Variants in ANKRD31 observed in about 807,000 individuals in gnomAD.
ANKRD31 encodes the protein ankyrin repeat domain 31.
A neutral mutation model predicts 186.0 loss-of-function variants in ANKRD31; 147 were observed. That is an observed-to-expected ratio of 0.79 (90% CI 0.69 to 0.91). The LOEUF (loss-of-function observed/expected upper bound fraction) is 0.91, where lower values mean the gene tolerates loss of function less well. Ranked by LOEUF, ANKRD31 falls within the 40% of genes least tolerant of loss-of-function variation. ANKRD31 has a pLI of 0.00. For synonymous variants in ANKRD31, 673 were observed against 736.4 expected, an observed-to-expected ratio of 0.91 and a Z score of 1.39; for missense variants, 1,986 against 2,148.8, an observed-to-expected ratio of 0.92 and a Z score of 1.50.
rs138837991 is a variant in ANKRD31, at chr5:75,118,387, A to C, written c.3877-90T>G. 79 of 1,173,908 alleles carry C rather than the reference A, an allele frequency of 6.7e-5. No homozygotes were observed. In the African/African-American group the frequency reaches 1.2e-3, roughly 17 times the overall value. 72.7% of individuals were successfully genotyped at this position (1,173,908 alleles called of 1,614,324 possible). ...ACAAACACCACTGCCAAGCATTAAA[A>C]GCTATCAAAAGAATGTTTTCAAACT... On this transcript the variant is annotated intron_variant, in intron 17 of 25. Transcript: ENST00000506364.
Position 75,158,505 on chromosome 5 carries a change from G to A in ANKRD31, c.1708-4160C>T, listed in dbSNP as rs1476177774. Among the ~76,000 whole-genome samples, 3 of 152,294 alleles carry A rather than the reference G, an allele frequency of 2.0e-5. No homozygotes were observed. In the East Asian group the frequency reaches 5.8e-4, roughly 29 times the overall value. On this transcript the variant is annotated intron_variant, in intron 11 of 25. Coordinates refer to ENST00000506364, the MANE Select transcript of ANKRD31 (RefSeq NM_001372053.1). ...CTTAAATGTCCAGTTTTGGCCGGATGTAGTGGCTCATGCCTGTCCCAGTGC... is the reference window on the plus strand; with the variant it reads ...CTTAAATGTCCAGTTTTGGCCGGATATAGTGGCTCATGCCTGTCCCAGTGC...
intron 5 of ANKRD31, among the ~76,000 whole-genome samples, chr5:75,205,439 ATGTTCAGGCTCATCCTGATAT>A (rs1561535206): frequency 3.3e-5 from 5 of 152,134 alleles, no homozygotes; most frequent in African/African-American, 1.2e-4. Context: ...TAATAATTGT[ATGTTCAGGCTCATCCTGATAT>A]TGTCATGCTC....
At position 75,104,497 on chromosome 5, in the gene ANKRD31, C is replaced by A; in HGVS notation, c.5062G>T (p.Ala1688Ser). The change falls in exon 22 of 26, where the codon GCA becomes TCA. Residue 1688 changes from alanine (A) to serine (S), a missense_variant. Coordinates refer to ENST00000506364, the MANE Select transcript of ANKRD31 (RefSeq NM_001372053.1). ...KTSSQQSPTG[A>S]SESLAHQGIA... Reference sequence around the variant, plus strand: ...CCTTGATGTGCCAGAGATTCTGATGCCCCTGTAGGTGATTGCTGGGAACTT... The same window carrying A: ...CCTTGATGTGCCAGAGATTCTGATGACCCTGTAGGTGATTGCTGGGAACTT... 1 of 1,537,188 alleles carries A rather than the reference C, an allele frequency of 6.5e-7. No individual in the cohort carries two copies. The highest frequency in any genetic ancestry group is 8.7e-7 in the Non-Finnish European group (1 of 1,146,900).
intron 2 of ANKRD31, among the ~76,000 whole-genome samples, chr5:75,224,178 TACACAC>T (rs1554095671): frequency 8.0e-6 from 1 of 124,432 alleles, no homozygotes; most frequent in African/African-American, 3.3e-5. Flanking sequence ...TATATATATA[TACACAC>T]ATTTCTTCCA....
rs57013241 is a variant in ANKRD31 at position 75,187,110 on chromosome 5, T to TTGTGTGTGTGTGTGTGTGTGTG, written c.1564+1361_1564+1382dup. On this transcript the variant is annotated intron_variant, in intron 10 of 25. Coordinates refer to ENST00000506364, the MANE Select transcript of ANKRD31 (RefSeq NM_001372053.1). The stretch of plus-strand genomic sequence containing the variant: ...AACAAACATTGCCGGTGATTCTGTT[T>TTGTGTGTGTGTGTGTGTGTGTG]TGTGTGTGTGTGTGTGTGTGTGTGT... Among the ~76,000 whole-genome samples, 11 of 116,250 alleles carry TTGTGTGTGTGTGTGTGTGTGTG rather than the reference T, an allele frequency of 9.5e-5. No individual in the cohort carries two copies. The South Asian group carries it at 2.9e-3, about 30-fold the overall frequency. The allele number at this position is 116,250 out of a possible 152,430, so 76.3% of individuals were successfully genotyped here.
intron 17 of ANKRD31, among the ~76,000 whole-genome samples, chr5:75,125,900 T>C (rs1456604873): frequency 6.6e-6 from 1 of 151,630 alleles, no homozygotes; most frequent in Non-Finnish European, 1.5e-5. Flanking sequence ...CTTTTACCTG[T>C]TTAAAAAAAA....
intron 20 of ANKRD31, among the ~76,000 whole-genome samples, chr5:75,112,276 C>G (rs1347151604): frequency 6.6e-6 from 1 of 152,142 alleles, no homozygotes; most frequent in Non-Finnish European, 1.5e-5. Context: ...ACACAAACTA[C>G]TGGTTTGCAT....
intron 12 of ANKRD31, among the ~76,000 whole-genome samples, chr5:75,152,843 A>G (rs1372749721): frequency 6.6e-6 from 1 of 151,978 alleles, no homozygotes; most frequent in Admixed American, 6.6e-5. Flanking sequence ...GAATAGAGTG[A>G]GTATAATGAT....
intron 23 of ANKRD31, 37 bp downstream of exon 23, chr5:75,091,224 G>T: frequency 4.0e-6 from 6 of 1,495,208 alleles, no homozygotes; most frequent in Non-Finnish European, 5.3e-6. Flanking sequence ...TTTTCCATTT[G>T]AATATGAAGT....
chr5:75,183,267 T>G (rs750930663), intron 10 of ANKRD31, among the ~76,000 whole-genome samples: 40 of 152,258 alleles, frequency 2.6e-4, no homozygotes, highest in Middle Eastern at 3.4e-3. Flanking sequence ...GTCAACACAA[T>G]AAATCCCATA....
intron 6 of ANKRD31, among the ~76,000 whole-genome samples, chr5:75,198,515 T>C (rs535364968): frequency 6.6e-6 from 1 of 152,314 alleles, no homozygotes; most frequent in South Asian, 2.1e-4. Flanking sequence ...ACCATGTGCA[T>C]TGGGGAACTT....
intron 12 of ANKRD31, 64 bp from the exon 13 acceptor site, chr5:75,148,692 A>T: frequency 7.9e-7 from 1 of 1,262,872 alleles, no homozygotes; most frequent in Middle Eastern, 1.9e-4. Flanking sequence ...GACTTCTAAA[A>T]CCCACCAGTC....
intron 2 of ANKRD31, among the ~76,000 whole-genome samples, chr5:75,229,864 C>CAAAAAAAAAAAAA (rs1210080751): frequency 2.1e-4 from 8 of 37,846 alleles, no homozygotes; most frequent in Non-Finnish European, 2.4e-4. Flanking sequence ...GACTCTGTCT[C>CAAAAAAAAAAAAA]AAAAAAAAAA....
chr5:75,154,781 C>G (rs1173963406), intron 11 of ANKRD31, among the ~76,000 whole-genome samples: 1 of 152,118 alleles, frequency 6.6e-6, no homozygotes, highest in Admixed American at 6.6e-5. Flanking sequence ...ATAATTTTAA[C>G]AGGTTCCAGG....
chr5:75,097,417 T>C (rs887188400), intron 22 of ANKRD31, among the ~76,000 whole-genome samples: 4 of 152,232 alleles, frequency 2.6e-5, no homozygotes, highest in Non-Finnish European at 2.9e-5. Context: ...CCAGTGATGA[T>C]GAGCATTTTT....
At chr5:75,129,178 T>C (rs1749521435) in intron 17 of ANKRD31, among the ~76,000 whole-genome samples, 1 of 152,194 alleles carries the variant, frequency 6.6e-6, no homozygotes, top group South Asian at 2.1e-4. Flanking sequence ...CCTCTCTGTC[T>C]CTGCTCCACC....
At chr5:75,230,718 C>T (rs1199958130) in intron 1 of ANKRD31, 83 bp from the exon 2 acceptor site, 7 of 994,368 alleles carry the variant, frequency 7.0e-6, no homozygotes, top group South Asian at 1.5e-5. Flanking sequence ...TTTTATTATA[C>T]CAAAACTTGC....
chr5:75,188,396 C>T (rs754093880), intron 10 of ANKRD31, 97 bp downstream of exon 10: 96 of 1,213,142 alleles, frequency 7.9e-5, no homozygotes, highest in Non-Finnish European at 1.0e-4. Context: ...CTGTTTGGAA[C>T]TTACCTTAGG....
At chr5:75,148,750 T>C (rs2150149783) in intron 12 of ANKRD31, 122 bp from the exon 13 acceptor site, 1 of 603,882 alleles carries the variant, frequency 1.7e-6, no homozygotes, top group Middle Eastern at 2.9e-4. Flanking sequence ...ATGCAAACAT[T>C]TTATATTAAA....
Sources: gnomAD v4.1 joint callset for allele counts (sites outside exome capture counted in the v4.1 genomes callset) on GRCh38, gnomAD v4.1.1 for gene constraint, MANE v1.5 for transcripts, NCBI Gene and HGNC (gene_info 2026-07-23, HGNC 2026-07-21) for gene names.